The following GOLGA4 variants were observed in gnomAD, a reference collection of about 807,000 sequenced individuals.
GOLGA4 encodes golgin subfamily A member 4.
In GOLGA4, 169 loss-of-function variants were observed where a neutral mutation model predicts 265.9. The ratio of observed to expected loss-of-function variants is 0.64; its 90% confidence interval spans 0.56 to 0.72. GOLGA4 has a LOEUF of 0.72. GOLGA4 is among the 30% of genes least tolerant of loss of function. The pLI is 0.00. For synonymous variants in GOLGA4, 923 were observed against 855.8 expected (o/e 1.08, Z -1.37); for missense variants, 2,482 against 2,483.4 (o/e 1.00, Z 0.01).
At position 37,302,296 on chromosome 3, in the gene GOLGA4, G is replaced by A; in HGVS notation, c.1198G>A (p.Glu400Lys). The A allele has an allele frequency of 1.2e-6, 2 of 1,613,748 alleles. No individual in the cohort carries two copies. Among genetic ancestry groups the A allele is most frequent in the Middle Eastern group, 1.6e-4 (1 of 6,062 alleles). The change falls in exon 10 of 24, where the codon GAA becomes AAA. Residue 400 changes from glutamate (E) to lysine (K), a missense_variant. By Grantham distance (56) the Glu-to-Lys change is moderately conservative (BLOSUM62 1). Around this residue, in one of 3 missense-constraint regions of GOLGA4, gnomAD observed 1,536 missense variants for 1,483.7 expected, o/e 1.04. Transcript: ENST00000361924. ...RIKQMTTQGE[E>K]LREQKEKSER... ...CAAACAGATGACTACCCAGGGAGAG[G>A]AATTACGGGAACAGAAAGAAAAGTC...
rs111600228 is a variant in GOLGA4 at position 37,298,226 on chromosome 3, A to G, written c.815-607A>G. 3.9e-3 allele frequency among the ~76,000 whole-genome samples: 600 copies of G among 152,274 alleles called. 8 individuals are homozygous for G. The highest frequency in any genetic ancestry group is 0.012 in the African/African-American group (506 of 41,556). ...ACGTGACCAGAGTTTTATTTTACTC[A>G]AATCAGTCTCGCCAAGCATTCACGG... On this transcript the variant is annotated intron_variant, in intron 7 of 23. Transcript: ENST00000361924.
intron 10 of GOLGA4, among the ~76,000 whole-genome samples, chr3:37,310,648 C>G (rs1030626510): frequency 2.0e-5 from 3 of 152,078 alleles, no homozygotes; most frequent in African/African-American, 7.2e-5. Flanking sequence ...AGGGTCTGCC[C>G]TGCATTTTAC....
chr3:37,263,707 A>G (rs750552455), intron 2 of GOLGA4, among the ~76,000 whole-genome samples: 2 of 152,190 alleles, frequency 1.3e-5, no homozygotes, highest in African/African-American at 2.4e-5. Flanking sequence ...ACACGCATAT[A>G]TATATGAGAG....
intron 1 of GOLGA4, among the ~76,000 whole-genome samples, chr3:37,248,358 G>T (rs561196594): frequency 7.7e-4 from 117 of 152,288 alleles, no homozygotes; most frequent in South Asian, 6.4e-3. Flanking sequence ...TTAATTGTGG[G>T]TCTGGATGTA....
rs140400936 is a variant in GOLGA4 at position 37,319,079 on chromosome 3, A to G, written c.1430A>G (p.Gln477Arg). Residue 477 changes from glutamine (Q) to arginine (R), a missense_variant, in exon 12 of 24, where the codon CAA becomes CGA. Physicochemically the swap from Gln to Arg is conservative, Grantham distance 43. Transcript: ENST00000361924. ...VDVMKKSSEE[Q>R]IAKLQKLHEK... ...CATTTTCAGAAATCCTCAGAAGAAC[A>G]AATTGCTAAGCTACAGAAGCTTCAT... 6.3e-7 allele frequency: 1 copy of G among 1,595,876 alleles called. No homozygotes were observed. The highest frequency in any genetic ancestry group is 1.4e-5 in the African/African-American group (1 of 73,980).
At chr3:37,347,381 T>A in intron 21 of GOLGA4, 85 bp downstream of exon 21, 1 of 726,104 alleles carries the variant, frequency 1.4e-6, no homozygotes, top group Non-Finnish European at 2.4e-6. Context: ...GAATGCCATA[T>A]GTTTACTATT....
At chr3:37,335,799 C>T (rs984120976) in intron 17 of GOLGA4, among the ~76,000 whole-genome samples, 1 of 148,854 alleles carries the variant, frequency 6.7e-6, no homozygotes, top group Admixed American at 6.8e-5. Flanking sequence ...AAAATTGACA[C>T]TATGAAAGGT....
chr3:37,313,221 T>C (rs907850324), intron 10 of GOLGA4, among the ~76,000 whole-genome samples: 7 of 152,088 alleles, frequency 4.6e-5, no homozygotes, highest in African/African-American at 1.7e-4. Flanking sequence ...AAAAAAGATA[T>C]ATGGTTGCCA....
intron 20 of GOLGA4, among the ~76,000 whole-genome samples, chr3:37,346,353 C>G (rs543532008): frequency 5.9e-5 from 9 of 151,806 alleles, no homozygotes; most frequent in Non-Finnish European, 1.2e-4. Flanking sequence ...TACAACATAA[C>G]TAGTTCCTTT....
chr3:37,265,344 A>G (rs1165339638), intron 2 of GOLGA4, among the ~76,000 whole-genome samples: 1 of 151,976 alleles, frequency 6.6e-6, no homozygotes, highest in Non-Finnish European at 1.5e-5. Context: ...AATGTCTTTA[A>G]ACTTATAGAG....
At chr3:37,256,174 A>G (rs901211445) in intron 2 of GOLGA4, among the ~76,000 whole-genome samples, 1 of 152,112 alleles carries the variant, frequency 6.6e-6, no homozygotes, top group Non-Finnish European at 1.5e-5. Flanking sequence ...CCATATGTCC[A>G]TATTTGAGTG....
chr3:37,336,774 A>AAG (rs941227242), intron 17 of GOLGA4, among the ~76,000 whole-genome samples: 7 of 150,290 alleles, frequency 4.7e-5, no homozygotes, highest in South Asian at 2.1e-4. Flanking sequence ...GAAAGAGAGA[A>AAG]AGAGAGAGAG....
chr3:37,295,149 T>G, intron 6 of GOLGA4, 72 bp downstream of exon 6: 1 of 811,912 alleles, frequency 1.2e-6, no homozygotes, highest in Non-Finnish European at 1.9e-6. Context: ...TTTGGATATC[T>G]GCAAGGTTGC....
intron 22 of GOLGA4, among the ~76,000 whole-genome samples, chr3:37,355,700 G>A (rs1020029021): frequency 1.3e-5 from 2 of 152,050 alleles, no homozygotes; most frequent in Non-Finnish European, 2.9e-5. Context: ...GAAGTCAGCT[G>A]TAATTGAAAA....
chr3:37,362,007 A>G (rs998387237), intron 23 of GOLGA4, among the ~76,000 whole-genome samples: 1 of 152,150 alleles, frequency 6.6e-6, no homozygotes, highest in African/African-American at 2.4e-5. Context: ...TTGATTTAGC[A>G]CCCTCTGAAA....
intron 2 of GOLGA4, among the ~76,000 whole-genome samples, chr3:37,256,101 G>A (rs1285010575): frequency 6.6e-6 from 1 of 152,098 alleles, no homozygotes; most frequent in African/African-American, 2.4e-5. Context: ...TCCAGTATGT[G>A]TATCCGGTTG....
At position 37,323,785 on chromosome 3, in the gene GOLGA4, C is replaced by T. The variant is rs778402708; in HGVS notation, c.1899C>T (p.Val633=). Residue 633 remains valine (V), a synonymous_variant, in exon 14 of 24, where the codon GTC becomes GTT. Coordinates refer to ENST00000361924, the MANE Select transcript of GOLGA4 (RefSeq NM_002078.5). ...CCCTTTGGACTGAAAAACTCCAAGT[C>T]TTAAAGCAACAATATCAGACTGAAA... ...QDALWTEKLQ[V]LKQQYQTEME... 1.2e-6 allele frequency: 2 copies of T among 1,609,442 alleles called. No homozygotes were observed. The highest frequency in any genetic ancestry group is 1.7e-6 in the Non-Finnish European group (2 of 1,178,956).
At chr3:37,305,369 A>G (rs1177383375) in intron 10 of GOLGA4, among the ~76,000 whole-genome samples, 2 of 152,228 alleles carry the variant, frequency 1.3e-5, no homozygotes, top group Non-Finnish European at 2.9e-5. Context: ...TCTACATTGA[A>G]GATAATGCCT....
chr3:37,263,657 G>T (rs1205104066), intron 2 of GOLGA4, among the ~76,000 whole-genome samples: 1 of 152,150 alleles, frequency 6.6e-6, no homozygotes, highest in Non-Finnish European at 1.5e-5. Flanking sequence ...GCTTTAAGGT[G>T]GCTGCCAATG....
Sources: allele counts gnomAD v4.1 joint callset (sites outside exome capture counted in the v4.1 genomes callset), GRCh38; gene constraint gnomAD v4.1.1; regional missense constraint gnomAD v4.1.1; transcripts MANE v1.5; gene names NCBI Gene and HGNC (gene_info 2026-07-23, HGNC 2026-07-21).